The following GPT2 variants were observed in gnomAD, a reference collection of about 807,000 sequenced individuals.
GPT2 encodes the protein glutamic--pyruvic transaminase 2.
Under a neutral mutation model 56.9 loss-of-function variants are expected in GPT2, and 30 were observed. The ratio of observed to expected loss-of-function variants is 0.53; its 90% CI spans 0.39 to 0.72. GPT2 has a LOEUF of 0.72. GPT2 is among the 30% of genes least tolerant of loss of function. The pLI is 0.00. For synonymous variants in GPT2, 271 were observed against 283.1 expected (o/e 0.96, Z 0.43); for missense variants, 542 against 703.4 (o/e 0.77, Z 2.60).
rs776047548 is a variant in GPT2 at position 46,928,994 on chromosome 16, G to A, written c.1569G>A (p.Ala523=). The part of the protein sequence containing the change: ...DFHINFLEKY[A] ...ACATCAACTTCCTGGAGAAGTACGC[G>A]TGAGGACGCCTGAGCCCCAGCGGGA... Residue 523 remains alanine (A), a synonymous_variant, in exon 12 of 12, where the codon GCG becomes GCA. Transcript: ENST00000340124. 19 of 1,613,306 alleles carry A rather than the reference G, an allele frequency of 1.2e-5. No homozygotes were observed. The highest frequency in any genetic ancestry group is 2.7e-5 in the African/African-American group (2 of 74,912).
At chr16:46,907,044 C>G (rs1596871925) in intron 5 of GPT2, 69 bp downstream of exon 5, 35 of 1,599,142 alleles carry the variant, frequency 2.2e-5, no homozygotes, top group African/African-American at 1.9e-4. Context: ...CCTGTTAGGG[C>G]CCAGCATTGG....
chr16:46,894,867 G>A (rs1310584875), intron 2 of GPT2, among the ~76,000 whole-genome samples: 1 of 152,078 alleles, frequency 6.6e-6, no homozygotes, highest in Non-Finnish European at 1.5e-5. Flanking sequence ...GGGTTTCACT[G>A]TGTTAGCCAG....
At chr16:46,887,578 TGGCCTGGCTG>T (rs994843823) in intron 2 of GPT2, among the ~76,000 whole-genome samples, 61 of 152,230 alleles carry the variant, frequency 4.0e-4, no homozygotes, top group Non-Finnish European at 7.6e-4. Flanking sequence ...TAAACAGATG[TGGCCTGGCTG>T]GGCCTGGCTG....
At chr16:46,922,781 G>A (rs1961318984) in intron 9 of GPT2, among the ~76,000 whole-genome samples, 2 of 152,206 alleles carry the variant, frequency 1.3e-5, no homozygotes, top group East Asian at 1.9e-4. Context: ...GCCCCCACCC[G>A]CCTCTGCCAA....
At chr16:46,904,148 A>C (rs992209173) in intron 4 of GPT2, among the ~76,000 whole-genome samples, 1 of 152,226 alleles carries the variant, frequency 6.6e-6, no homozygotes, top group Non-Finnish European at 1.5e-5. Flanking sequence ...GCAGTGGGCA[A>C]GGTGCTCCGA....
intron 11 of GPT2, among the ~76,000 whole-genome samples, chr16:46,928,044 A>G (rs1362233144): frequency 6.6e-6 from 1 of 152,216 alleles, no homozygotes; most frequent in African/African-American, 2.4e-5. Context: ...ATCAGTGGTC[A>G]AAATGTTCCA....
At chr16:46,910,253 C>T (rs946451843) in intron 6 of GPT2, among the ~76,000 whole-genome samples, 10 of 152,034 alleles carry the variant, frequency 6.6e-5, no homozygotes, top group South Asian at 2.1e-4. Flanking sequence ...TGGTGGTGTG[C>T]GCCTGTAGTC....
At chr16:46,917,333 T>C (rs1961188534) in intron 7 of GPT2, among the ~76,000 whole-genome samples, 1 of 152,152 alleles carries the variant, frequency 6.6e-6, no homozygotes, top group Non-Finnish European at 1.5e-5. Context: ...AGGGGGCTCC[T>C]ACCCAACAAA....
intron 9 of GPT2, among the ~76,000 whole-genome samples, chr16:46,923,528 C>T (rs943093222): frequency 6.6e-6 from 1 of 152,226 alleles, no homozygotes; most frequent in African/African-American, 2.4e-5. Flanking sequence ...TCATGATGTC[C>T]TCCAGGTCCA....
At position 46,928,893 on chromosome 16, in the gene GPT2, G is replaced by A; in HGVS notation, c.1482-14G>A. ...GCAGAGCAGCCAGGCTGACACTGTTGTCTCTCCTGCCAGGATGACTATCCT... is the reference window on the plus strand; with the variant it reads ...GCAGAGCAGCCAGGCTGACACTGTTATCTCTCCTGCCAGGATGACTATCCT... On this transcript the variant is annotated splice_polypyrimidine_tract_variant and intron_variant, in intron 11 of 11. Transcript: ENST00000340124. 2.5e-6 allele frequency: 4 copies of A among 1,604,534 alleles called. No homozygotes were observed. Among genetic ancestry groups the A allele is most frequent in the African/African-American group, 2.7e-5 (2 of 74,804 alleles).
At chr16:46,920,369 A>C (rs1961261375) in intron 8 of GPT2, among the ~76,000 whole-genome samples, 1 of 152,198 alleles carries the variant, frequency 6.6e-6, no homozygotes, top group African/African-American at 2.4e-5. Flanking sequence ...GGGTGGTTTA[A>C]GTTTGGGAGA....
intron 8 of GPT2, 73 bp downstream of exon 8, chr16:46,918,830 C>T: frequency 6.4e-7 from 1 of 1,562,938 alleles, no homozygotes. Flanking sequence ...CTCTGCCCTG[C>T]CCCGTGGTCC....
At chr16:46,916,004 C>T (rs1274088282) in intron 6 of GPT2, 1 of 151,510 alleles carries the variant, frequency 6.6e-6, no homozygotes, top group African/African-American at 2.5e-5. Flanking sequence ...GCACACACCC[C>T]ACCACACCTA....
intron 6 of GPT2, among the ~76,000 whole-genome samples, chr16:46,914,947 T>C (rs2143503725): frequency 6.6e-6 from 1 of 152,264 alleles, no homozygotes; most frequent in African/African-American, 2.4e-5. Context: ...AGACAGGGTC[T>C]TGCTCTGTCA....
intron 2 of GPT2, chr16:46,885,565 G>C: frequency 1.0e-6 from 1 of 985,024 alleles, no homozygotes; most frequent in Non-Finnish European, 1.2e-6. Flanking sequence ...GTGGTCTGGG[G>C]ACAGTCACCG....
intron 2 of GPT2, chr16:46,885,534 C>CT: frequency 1.0e-6 from 1 of 985,296 alleles, no homozygotes; most frequent in Non-Finnish European, 1.2e-6. Flanking sequence ...CCTCTGGAGC[C>CT]TTGGCCGACC....
rs972907128 is a variant in GPT2 at position 46,922,091 on chromosome 16, C to T, written c.1038-151C>T. The stretch of plus-strand genomic sequence containing the variant: ...AAAATAGGAGTTTGTACACAATCAT[C>T]ACTGTTGTTCACCTTCCATTGGCAA... On this transcript the variant is annotated intron_variant, in intron 8 of 11. Transcript: ENST00000340124. The T allele has an allele frequency of 2.1e-5, 14 of 666,424 alleles. No homozygotes were observed. In the African/African-American group the frequency reaches 2.4e-4, roughly 11 times the overall value. 41.3% of individuals were successfully genotyped at this position (666,424 alleles called of 1,614,324 possible).
intron 5 of GPT2, among the ~76,000 whole-genome samples, chr16:46,908,232 C>T (rs4966713): frequency 1.5e-5 from 2 of 130,820 alleles, no homozygotes; most frequent in African/African-American, 6.1e-5. Flanking sequence ...ACAGTCCTTG[C>T]GGGGGACTGG....
intron 4 of GPT2, among the ~76,000 whole-genome samples, chr16:46,901,653 C>T (rs1480141623): frequency 1.3e-5 from 2 of 152,344 alleles, no homozygotes; most frequent in South Asian, 4.1e-4. Flanking sequence ...GGGACAGATT[C>T]CCGTGGCTTG....
Sources: gnomAD v4.1 joint callset for allele counts (sites outside exome capture counted in the v4.1 genomes callset) on GRCh38, gnomAD v4.1.1 for gene constraint, MANE v1.5 for transcripts, NCBI Gene and HGNC (gene_info 2026-07-23, HGNC 2026-07-21) for gene names.